Variants in BRD1 observed in about 807,000 individuals in gnomAD.
The protein encoded by BRD1 is bromodomain containing 1, also known as bromodomain-containing protein 1.
A neutral mutation model predicts 107.7 loss-of-function variants in BRD1; 24 were observed. The ratio of observed to expected loss-of-function variants is 0.22; its 90% CI spans 0.16 to 0.31. The LOEUF is 0.31. Ranked by LOEUF, BRD1 falls within the 10% of genes least tolerant of loss-of-function variation. The pLI, the probability that BRD1 is intolerant of heterozygous loss-of-function variation, is 1.00. For missense variants in BRD1, 1,279 were observed against 1,638.6 expected, an observed-to-expected ratio of 0.78 and a Z score of 3.79; for synonymous variants, 744 against 686.1, an observed-to-expected ratio of 1.08 and a Z score of -1.32.
intron 3 of BRD1, among the ~76,000 whole-genome samples, chr22:49,802,237 C>A (rs1182615583): frequency 1.4e-5 from 1 of 72,528 alleles, no homozygotes; most frequent in Non-Finnish European, 2.8e-5. Context: ...GGGCCGAGAC[C>A]AATGCCTCCA....
rs2059681406 is a variant in BRD1, at chr22:49,803,562, A to G, written c.1524+642T>C. On this transcript the variant is annotated intron_variant, in intron 3 of 12. Transcript: ENST00000404760. This position sits in a 1 kb window ranked among gnomAD's most constrained non-coding sequence, Gnocchi z 4.4. ...TCACTCTGTAAACCCATTTTTTCAGAACTGTTTCACAGTATCAGATGAGTC... is the reference window on the plus strand; with the variant it reads ...TCACTCTGTAAACCCATTTTTTCAGGACTGTTTCACAGTATCAGATGAGTC... Among the ~76,000 whole-genome samples the G allele has an allele frequency of 6.6e-6, 1 of 152,186 alleles. No homozygotes were observed. Among genetic ancestry groups the G allele is most frequent in the Admixed American group, 6.5e-5 (1 of 15,280 alleles).
At chr22:49,784,855 C>G (rs1255734536) in intron 8 of BRD1, among the ~76,000 whole-genome samples, 1 of 152,216 alleles carries the variant, frequency 6.6e-6, no homozygotes, top group East Asian at 1.9e-4. Flanking sequence ...TGGAATGCCT[C>G]CCACTCCCGA....
rs1569097609 is a variant in BRD1, at chr22:49,787,578, C to A, written c.2669G>T (p.Ser890Ile). 6.4e-7 allele frequency: 1 copy of A among 1,570,450 alleles called. No homozygotes were observed. The change falls in exon 8 of 13, where the codon AGT becomes ATT. Residue 890 changes from serine (S) to isoleucine (I), a missense_variant. This residue lies in a region of BRD1 where 263 missense variants were observed against 251.6 expected (regional missense o/e 1.05). Transcript: ENST00000404760. ...CTTGGCAGACTTTGGGGGGCTTACA[C>A]TTTTCGATTTGCAGAAGAGAACAGA... ...RTSVLFCKSK[S>I]VSPPKSAKNT... is the part of the protein sequence containing the mutation.
chr22:49,774,298 G>A lies in BRD1; in HGVS notation c.3505C>T (p.Arg1169Cys), dbSNP rs1219696200. The A allele has an allele frequency of 5.6e-6, 9 of 1,614,062 alleles. No individual in the cohort carries two copies. The highest frequency in any genetic ancestry group is 7.6e-6 in the Non-Finnish European group (9 of 1,180,028). ...ACGCGGCTCAGGTGGTTCATGGCGCGGTCAAAAGCGATCCGCACGGCCTTC... is the reference window on the plus strand; with the variant it reads ...ACGCGGCTCAGGTGGTTCATGGCGCAGTCAAAAGCGATCCGCACGGCCTTC... ...IRKAVRIAFD[R>C]AMNHLSRVHG... The change falls in exon 13 of 13, where the codon CGC becomes TGC. Residue 1169 changes from arginine to cysteine, a missense_variant. Arg to Cys is a radical substitution (Grantham distance 180). This residue lies in a region of BRD1 where 136 missense variants were observed against 196.8 expected (regional missense o/e 0.69). Coordinates refer to ENST00000404760, the MANE Select transcript of BRD1 (RefSeq NM_001304808.3).
In BRD1 at chr22:49,824,721, C is replaced by G. The variant is rs1457520097; in HGVS notation, c.-14-390G>C. 1.0e-5 allele frequency: 11 copies of G among 1,078,016 alleles called. No individual in the cohort carries two copies. The Admixed American group carries it at 5.2e-4, about 51-fold the overall frequency. The allele number at this position is 1,078,016 out of a possible 1,614,324, so 66.8% of individuals were successfully genotyped here. A position where few individuals can be genotyped will look rare whatever the true frequency, so the allele number is the denominator to read the frequency against. On this transcript the variant is annotated intron_variant, in intron 1 of 12. Coordinates refer to ENST00000404760, the MANE Select transcript of BRD1 (RefSeq NM_001304808.3). This position sits in a 1 kb window ranked among gnomAD's most constrained non-coding sequence, Gnocchi z 5.9. The stretch of plus-strand genomic sequence containing the variant: ...GCATGCAGGCGGTCCCCCAGGAAGT[C>G]CACATACAGGGCTGGACCCCACCAG...
At chr22:49,789,178 C>G (rs184038669) in intron 7 of BRD1, among the ~76,000 whole-genome samples, 1 of 152,318 alleles carries the variant, frequency 6.6e-6, no homozygotes, top group Admixed American at 6.5e-5. Flanking sequence ...GCAGGGAGCA[C>G]AGCTGTCATG....
intron 2 of BRD1, among the ~76,000 whole-genome samples, chr22:49,818,723 T>C (rs1275537577): frequency 6.7e-6 from 1 of 149,750 alleles, no homozygotes; most frequent in Non-Finnish European, 1.5e-5. Context: ...CCGTCTCTAC[T>C]AAAAATACAA....
intron 2 of BRD1, among the ~76,000 whole-genome samples, chr22:49,821,384 T>C (rs1335894195): frequency 6.6e-6 from 1 of 152,202 alleles, no homozygotes; most frequent in Non-Finnish European, 1.5e-5. Flanking sequence ...TTTTGACTCA[T>C]AGGTAGAAAT....
rs2059263087 is a variant in BRD1 at position 49,783,777 on chromosome 22, T to C, written c.2857+3613A>G. On this transcript the variant is annotated intron_variant, in intron 8 of 12. Coordinates refer to ENST00000404760, the MANE Select transcript of BRD1 (RefSeq NM_001304808.3). The surrounding 1 kb of genome is among the most constrained non-coding windows in gnomAD (Gnocchi z 4.2). ...GGGTGGGGGAGAGCTCCTCCAGGGC[T>C]GCTGTTTGTGATTTTGTCTAGAGGA... is the stretch of plus-strand genomic sequence containing the variant. 6.6e-6 allele frequency among the ~76,000 whole-genome samples: 1 copy of C among 152,242 alleles called. No homozygotes were observed. Among genetic ancestry groups the C allele is most frequent in the South Asian group, 2.1e-4 (1 of 4,828 alleles).
chr22:49,776,590 T>C (rs1312038665), intron 10 of BRD1, among the ~76,000 whole-genome samples: 2 of 152,152 alleles, frequency 1.3e-5, no homozygotes, highest in Non-Finnish European at 2.9e-5. Context: ...GGGATCTCCG[T>C]CCTGATGCCC....
rs201962626 is a variant in BRD1, at chr22:49,823,631, G to A, written c.687C>T (p.Asn229=). 19 of 1,611,992 alleles carry A rather than the reference G, an allele frequency of 1.2e-5. No homozygotes were observed. Among genetic ancestry groups the A allele is most frequent in the African/African-American group, 2.7e-5 (2 of 75,034 alleles). The change falls in exon 2 of 13, where the codon AAC becomes AAT. Residue 229 remains asparagine (N), a synonymous_variant. Coordinates refer to ENST00000404760, the MANE Select transcript of BRD1 (RefSeq NM_001304808.3). ...TGCACATGTCGCAGAAGAGGATCAC[G>A]TTGCTGTTCTGACACTCCCCGTCCA... ...ICMDGECQNS[N]VILFCDMCNL... is the part of the protein sequence containing the mutation.
At chr22:49,800,717 C>T (rs2059624751) in intron 3 of BRD1, among the ~76,000 whole-genome samples, 1 of 152,206 alleles carries the variant, frequency 6.6e-6, no homozygotes, top group Admixed American at 6.5e-5. Context: ...CTCATCCACT[C>T]AGAAGGATCA....
intron 6 of BRD1, among the ~76,000 whole-genome samples, chr22:49,796,005 T>C (rs578014520): frequency 1.3e-5 from 2 of 152,372 alleles, no homozygotes; most frequent in East Asian, 3.9e-4. Flanking sequence ...GGAGCCTGTG[T>C]TTATTTTCTA....
chr22:49,786,186 C>G (rs1448809456), intron 8 of BRD1, among the ~76,000 whole-genome samples: 2 of 152,190 alleles, frequency 1.3e-5, no homozygotes, highest in Non-Finnish European at 2.9e-5. Flanking sequence ...AGACGGGAAC[C>G]AAGCCTTGAC....
Position 49,823,965 on chromosome 22 carries a change from G to A in BRD1, c.353C>T (p.Pro118Leu), listed in dbSNP as rs753246701. 1.1e-5 allele frequency: 18 copies of A among 1,613,974 alleles called. No homozygotes were observed. Among genetic ancestry groups the A allele is most frequent in the Admixed American group, 6.7e-5 (4 of 60,012 alleles). ...CTCCACGATGCGCACCTTGGGCTCC[G>A]GGAGGGCACTGGCCGAGGCCGGCGT... Reference protein sequence around the residue: ...HGTPASASALPEPKVRIVEYS... With the variant: ...HGTPASASALLEPKVRIVEYS... Residue 118 changes from proline (P) to leucine (L), a missense_variant, in exon 2 of 13, where the codon CCG becomes CTG. Transcript: ENST00000404760.
chr22:49,821,661 A>T (rs1168699666), intron 2 of BRD1, among the ~76,000 whole-genome samples: 1 of 151,678 alleles, frequency 6.6e-6, no homozygotes, highest in Non-Finnish European at 1.5e-5. Context: ...GCGGTACAGT[A>T]GCACAATCTT....
Position 49,824,456 on chromosome 22 carries a change from G to A in BRD1, c.-14-125C>T. 6.8e-7 allele frequency: 1 copy of A among 1,460,480 alleles called. No homozygotes were observed. Among genetic ancestry groups the A allele is most frequent in the Non-Finnish European group, 9.0e-7 (1 of 1,113,632 alleles). 90.5% of individuals were successfully genotyped at this position (1,460,480 alleles called of 1,614,324 possible). ...AAGCCCAATCAAAGCAAAACTCACA[G>A]CTAACCTCTTTCCAAGGTGTCCAAA... On this transcript the variant is annotated intron_variant, in intron 1 of 12. Transcript: ENST00000404760. The surrounding 1 kb of genome is among the most constrained non-coding windows in gnomAD (Gnocchi z 5.9).
chr22:49,799,221 G>A, intron 3 of BRD1, 102 bp from the exon 4 acceptor site: 2 of 1,475,876 alleles, frequency 1.4e-6, no homozygotes, highest in Non-Finnish European at 1.8e-6. Context: ...CCACGTCAGG[G>A]GTCCTGCAGG....
intron 2 of BRD1, among the ~76,000 whole-genome samples, chr22:49,811,777 T>C (rs943751719): frequency 1.8e-4 from 27 of 152,248 alleles, no homozygotes; most frequent in African/African-American, 5.5e-4. Context: ...GCTGACAAAA[T>C]TCCCCCACGG....
Sources: gnomAD v4.1 joint callset for allele counts (sites outside exome capture counted in the v4.1 genomes callset) on GRCh38, gnomAD v4.1.1 for gene constraint, gnomAD v4.1.1 regional missense constraint, Gnocchi (gnomAD v3.1) non-coding constraint, MANE v1.5 for transcripts, NCBI Gene and HGNC (gene_info 2026-07-23, HGNC 2026-07-21) for gene names.